The following RDX variants were observed in gnomAD, a reference collection of about 807,000 sequenced individuals.
The protein encoded by RDX is radixin.
RDX carries 32 observed loss-of-function variants against 83.7 expected under a neutral mutation model. That is an observed-to-expected ratio of 0.38 (90% CI 0.29 to 0.51). The LOEUF (loss-of-function observed/expected upper bound fraction) is 0.51. RDX is among the 20% of genes least tolerant of loss of function. The probability of loss-of-function intolerance (pLI) is 0.87; values close to 1 mark genes in which losing one functional copy is unlikely to be tolerated. For synonymous variants in RDX, 229 were observed against 222.7 expected, an observed-to-expected ratio of 1.03 and a Z score of -0.25; for missense variants, 600 against 689.9, an observed-to-expected ratio of 0.87 and a Z score of 1.46.
At chr11:110,223,849 T>C (rs1001081062) in intron 14 of RDX, among the ~76,000 whole-genome samples, 3 of 152,186 alleles carry the variant, frequency 2.0e-5, no homozygotes, top group Middle Eastern at 3.4e-3. Context: ...GCAGATCACC[T>C]GAGGTCAGGA....
Position 110,271,473 on chromosome 11 carries a change from T to C in RDX, c.96+1063A>G, listed in dbSNP as rs529299768. Among the ~76,000 whole-genome samples, 3 of 152,296 alleles carry C rather than the reference T, an allele frequency of 2.0e-5. No homozygotes were observed. The South Asian group carries it at 6.2e-4, about 32-fold the overall frequency. On this transcript the variant is annotated intron_variant, in intron 3 of 13. Transcript: ENST00000645495. ...CCACCTTCCTCTGTCTTTGCAACAG[T>C]TTCTTCATGTTCTTACTTAATCCCT...
chr11:110,280,751 C>G (rs184081920), intron 1 of RDX, among the ~76,000 whole-genome samples: 4 of 152,168 alleles, frequency 2.6e-5, no homozygotes, highest in Admixed American at 2.0e-4. Context: ...CTGCTTAAGC[C>G]CAGGTGGCTG....
At chr11:110,255,671 A>G (rs1859514367) in intron 7 of RDX, among the ~76,000 whole-genome samples, 1 of 151,986 alleles carries the variant, frequency 6.6e-6, no homozygotes, top group South Asian at 2.1e-4. Flanking sequence ...TGTAGAACTG[A>G]GCCTCCTGGG....
chr11:110,189,585 T>TA (rs1183763990), intron 15 of RDX, among the ~76,000 whole-genome samples: 3 of 152,110 alleles, frequency 2.0e-5, no homozygotes, highest in Admixed American at 2.0e-4. Flanking sequence ...GAAAATACTG[T>TA]AAGATTGACC....
chr11:110,202,578 C>T (rs1168628201), intron 14 of RDX, among the ~76,000 whole-genome samples: 1 of 151,362 alleles, frequency 6.6e-6, no homozygotes, highest in African/African-American at 2.4e-5. Flanking sequence ...TTCACTACAC[C>T]TGGCTAATTT....
At chr11:110,195,425 A>T (rs1262791409) in intron 15 of RDX, 2 of 152,204 alleles carry the variant, frequency 1.3e-5, no homozygotes, top group Non-Finnish European at 2.9e-5. Context: ...AACTCTCCTC[A>T]ACCCTCTTTC....
Position 110,231,449 on chromosome 11 carries a change from T to A in RDX, c.*420A>T. ...ATAAGAGAAGGGCACACTGAGAAAATGTGAGTGAGAGAGAATGTGGAAATA... is the reference window on the plus strand; with the variant it reads ...ATAAGAGAAGGGCACACTGAGAAAAAGTGAGTGAGAGAGAATGTGGAAATA... On this transcript the variant is annotated 3_prime_UTR_variant, in exon 14 of 14. Coordinates refer to ENST00000645495, the MANE Select transcript of RDX (RefSeq NM_002906.4). 1 of 234,974 alleles carries A rather than the reference T, an allele frequency of 4.3e-6. No homozygotes were observed. The highest frequency in any genetic ancestry group is 1.0e-4 in the East Asian group (1 of 9,620). The allele number at this position is 234,974 out of a possible 1,614,324, so 14.6% of individuals were successfully genotyped here.
intron 3 of RDX, among the ~76,000 whole-genome samples, chr11:110,268,970 C>CATATAT (rs757035960): frequency 6.7e-6 from 1 of 149,008 alleles, no homozygotes; most frequent in Non-Finnish European, 1.5e-5. Flanking sequence ...ATTATATATA[C>CATATAT]ATATATATAT....
chr11:110,265,109 G>T lies in RDX; in HGVS notation c.97-235C>A, dbSNP rs11213331. ...TTTTTGAAAAGAAGTTTTTTTTTTT[G>T]TTTTTTTTTTTTTTGTTCTTGTCAC... is the stretch of plus-strand genomic sequence containing the variant. On this transcript the variant is annotated intron_variant, in intron 3 of 13. Coordinates refer to ENST00000645495, the MANE Select transcript of RDX (RefSeq NM_002906.4). 0.12 allele frequency among the ~76,000 whole-genome samples: 10,315 copies of T among 87,156 alleles called. 300 individuals carry two copies. Among genetic ancestry groups the T allele is most frequent in the African/African-American group, 0.23 (5,108 of 21,904 alleles). The allele number at this position is 87,156 out of a possible 152,430, so 57.2% of individuals were successfully genotyped here. A position where few individuals can be genotyped will look rare whatever the true frequency, so the allele number is the denominator to read the frequency against.
chr11:110,214,972 C>T (rs542052824), intron 14 of RDX, among the ~76,000 whole-genome samples: 1 of 145,442 alleles, frequency 6.9e-6, no homozygotes, highest in African/African-American at 2.6e-5. Context: ...GCACTTGTAC[C>T]CTAAAACTTA....
intron 10 of RDX, among the ~76,000 whole-genome samples, chr11:110,238,344 T>C (rs1864945507): frequency 6.6e-6 from 1 of 152,204 alleles, no homozygotes; most frequent in Non-Finnish European, 1.5e-5. Context: ...TCTTTTCTTA[T>C]TCCAATGAGT....
chr11:110,273,845 G>A (rs918446908), intron 2 of RDX, among the ~76,000 whole-genome samples: 7 of 151,926 alleles, frequency 4.6e-5, no homozygotes, highest in African/African-American at 7.3e-5. Flanking sequence ...AACCTGTAGC[G>A]ATTCCTACTA....
At chr11:110,201,949 G>GTA (rs1863425371) in intron 14 of RDX, among the ~76,000 whole-genome samples, 1 of 120,914 alleles carries the variant, frequency 8.3e-6, no homozygotes. Flanking sequence ...GTGTGTGTGT[G>GTA]TGTGTGTTTT....
intron 1 of RDX, among the ~76,000 whole-genome samples, chr11:110,291,037 T>C (rs1241122988): frequency 1.3e-5 from 2 of 152,080 alleles, no homozygotes; most frequent in East Asian, 1.9e-4. Context: ...ACATGTAATA[T>C]AGATGAATAA....
chr11:110,232,073 T>TA lies in RDX; in HGVS notation c.1588-41dup, dbSNP rs749957564. The TA allele has an allele frequency of 1.8e-5, 27 of 1,511,900 alleles. No homozygotes were observed. In the South Asian group the frequency reaches 2.8e-4, roughly 16 times the overall value. 93.7% of individuals were successfully genotyped at this position (1,511,900 alleles called of 1,614,324 possible). ...AAAAGTACAACTATTATTTTTTTCT[T>TA]AGATTTAAAAAAATTTATGAAAATG... On this transcript the variant is annotated intron_variant, in intron 13 of 13. Transcript: ENST00000645495.
chr11:110,270,915 C>A (rs1030408741), intron 3 of RDX, among the ~76,000 whole-genome samples: 7 of 152,236 alleles, frequency 4.6e-5, no homozygotes, highest in Non-Finnish European at 8.8e-5. Flanking sequence ...ACAATAAATG[C>A]TAACTCTATT....
At chr11:110,206,144 C>T (rs2134246423) in intron 14 of RDX, among the ~76,000 whole-genome samples, 1 of 151,108 alleles carries the variant, frequency 6.6e-6, no homozygotes, top group South Asian at 2.1e-4. Context: ...GTAATCCCAG[C>T]TGCTTGGGAG....
chr11:110,290,253 GGTGGCTCAC>G (rs1289023602), intron 1 of RDX, among the ~76,000 whole-genome samples: 1 of 152,128 alleles, frequency 6.6e-6, no homozygotes, highest in African/African-American at 2.4e-5. Flanking sequence ...GGCCAGGTGT[GGTGGCTCAC>G]GCCTGTAATC....
chr11:110,283,436 AC>A (rs1351035594), intron 1 of RDX, among the ~76,000 whole-genome samples: 1 of 152,220 alleles, frequency 6.6e-6, no homozygotes, highest in African/African-American at 2.4e-5. Context: ...GATGTGAGCC[AC>A]CACACACACC....
Sources: gnomAD v4.1 joint callset for allele counts (sites outside exome capture counted in the v4.1 genomes callset) on GRCh38, gnomAD v4.1.1 for gene constraint, MANE v1.5 for transcripts, NCBI Gene and HGNC (gene_info 2026-07-23, HGNC 2026-07-21) for gene names.